Variants in TASL observed in about 807,000 individuals in gnomAD.
The protein encoded by TASL is TLR adaptor interacting with endolysosomal SLC15A4, also known as TLR adapter interacting with SLC15A4 on the lysosome.
Under a neutral mutation model 12.9 loss-of-function variants are expected in TASL, and 6 were observed. The ratio of observed to expected loss-of-function variants is 0.46; its 90% confidence interval spans 0.25 to 0.92. TASL has a LOEUF of 0.92. Among genes scored for constraint, TASL ranks in the 40% least tolerant of loss-of-function variants. The pLI is 0.17. For synonymous variants in TASL, 85 were observed against 79.3 expected (o/e 1.07, Z -0.38); for missense variants, 165 against 212.8 (o/e 0.78, Z 1.40).
At chrX:30,571,326 G>GAAAGAAAGAAAGAAAGAAAC (rs947938935) in intron 2 of TASL, among the ~76,000 whole-genome samples, 1 of 105,513 alleles carries the variant, frequency 9.5e-6, no homozygotes, top group African/African-American at 3.4e-5. Flanking sequence ...AAGAAAGAAA[G>GAAAGAAAGAAAGAAAGAAAC]AAACCCATTT....
At position 30,559,654 on chromosome X, in the gene TASL, A is replaced by G; in HGVS notation, c.702T>C (p.Ser234=). The change falls in exon 3 of 3, where the codon AGT becomes AGC. Residue 234 remains serine (S), a synonymous_variant. Coordinates refer to ENST00000378962, the MANE Select transcript of TASL (RefSeq NM_025159.3). The stretch of plus-strand genomic sequence containing the variant: ...CAGACGCCAGAATCTGGGTAGGAGA[A>G]CTGTCATGAAACACGGTGTCCATAA... The part of the protein sequence containing the change: ...QYIMDTVFHD[S]SPTQILASEL... 1.7e-6 allele frequency: 2 copies of G among 1,208,856 alleles called. No individual in the cohort carries two copies. The highest frequency in any genetic ancestry group is 2.2e-6 in the Non-Finnish European group (2 of 893,223).
In TASL at chrX:30,560,284, A is replaced by C. The variant is rs761567498; in HGVS notation, c.72T>G (p.Asn24Lys). The stretch of plus-strand genomic sequence containing the variant: ...CTTCCTTTTCCCCAGCCACCTGCTC[A>C]TTATAAGAGGCACAACTCCAGTGGA... ...NDIHWSCASYNEQVAGEKEEE... is the reference protein window; with the variant it reads ...NDIHWSCASYKEQVAGEKEEE... The change falls in exon 3 of 3, where the codon AAT becomes AAG. Residue 24 changes from asparagine to lysine, a missense_variant. Transcript: ENST00000378962. 1 of 1,207,062 alleles carries C rather than the reference A, an allele frequency of 8.3e-7. No homozygotes were observed. Among genetic ancestry groups the C allele is most frequent in the Non-Finnish European group, 1.1e-6 (1 of 893,016 alleles).
intron 2 of TASL, among the ~76,000 whole-genome samples, chrX:30,574,155 A>AT (rs994630219): frequency 6.4e-5 from 7 of 109,887 alleles, no homozygotes; most frequent in Admixed American, 1.9e-4. Flanking sequence ...GGATTTGTGC[A>AT]TTTTTTGTCT....
chrX:30,566,731 T>G (rs983918799), intron 2 of TASL, among the ~76,000 whole-genome samples: 1 of 111,925 alleles, frequency 8.9e-6, no homozygotes, highest in Non-Finnish European at 1.9e-5. Flanking sequence ...AAAGATATTT[T>G]CATTTTAATT....
At chrX:30,566,602 C>CT (rs1241572015) in intron 2 of TASL, among the ~76,000 whole-genome samples, 3 of 111,637 alleles carry the variant, frequency 2.7e-5, no homozygotes, top group African/African-American at 6.5e-5. Flanking sequence ...TTATTTGAGA[C>CT]TTTTTTTTGT....
chrX:30,571,256 G>GAAAGAAAGAAAGAAAGAAAA (rs1179232270), intron 2 of TASL, among the ~76,000 whole-genome samples: 1 of 36,803 alleles, frequency 2.7e-5, no homozygotes, highest in African/African-American at 1.4e-4. Flanking sequence ...GAGAAAGAAA[G>GAAAGAAAGAAAGAAAGAAAA]AGAAAGAAAG....
At chrX:30,574,389 C>G (rs1930677333) in intron 2 of TASL, among the ~76,000 whole-genome samples, 1 of 111,951 alleles carries the variant, frequency 8.9e-6, no homozygotes, top group Non-Finnish European at 1.9e-5. Context: ...CTGGAATAGT[C>G]TTTGGAAAGA....
intron 2 of TASL, among the ~76,000 whole-genome samples, chrX:30,571,652 C>T (rs1351648387): frequency 2.7e-5 from 3 of 109,743 alleles, no homozygotes; most frequent in Non-Finnish European, 5.7e-5. Context: ...GGGGGCATTA[C>T]TGCACCCTTT....
chrX:30,571,095 G>A (rs900303872), intron 2 of TASL, among the ~76,000 whole-genome samples: 2 of 107,163 alleles, frequency 1.9e-5, no homozygotes, highest in African/African-American at 3.4e-5. Flanking sequence ...CAGGAGAATC[G>A]CTTGAACCCG....
chrX:30,570,238 A>T (rs5972188), intron 2 of TASL, among the ~76,000 whole-genome samples: 46 of 98,066 alleles, frequency 4.7e-4, no homozygotes, highest in African/African-American at 1.1e-3. Context: ...TCTCTCTCTC[A>T]CACACACACA....
In TASL at chrX:30,563,510, T is replaced by C. The variant is rs185110126; in HGVS notation, c.-1-3154A>G. 6.3e-3 allele frequency among the ~76,000 whole-genome samples: 705 copies of C among 111,833 alleles called. 5 individuals carry two copies. The highest frequency in any genetic ancestry group is 0.021 in the African/African-American group (648 of 30,828). Reference sequence around the variant, plus strand: ...TTTTGGAATGAGAGTAAAGGGGATATACCTAAAGTAAGAAATATCGAAAAT... The same window carrying C: ...TTTTGGAATGAGAGTAAAGGGGATACACCTAAAGTAAGAAATATCGAAAAT... On this transcript the variant is annotated intron_variant, in intron 2 of 2. Coordinates refer to ENST00000378962, the MANE Select transcript of TASL (RefSeq NM_025159.3).
Position 30,559,805 on chromosome X carries a change from T to A in TASL, c.551A>T (p.Tyr184Phe). ...GCTTGTTATTCTCCAATAGGATGAG[T>A]ACCGCTGGATAGGTTTTTGGGGAAA... ...SDFPQKPIQR[Y>F]SSYWRITSIK... Residue 184 changes from tyrosine to phenylalanine, a missense_variant, in exon 3 of 3, where the codon TAC (tyrosine) becomes TTC (phenylalanine). Physicochemically the swap from Tyr to Phe is conservative, Grantham distance 22. Transcript: ENST00000378962. The A allele has an allele frequency of 8.3e-7, 1 of 1,210,039 alleles. No homozygotes were observed. Among genetic ancestry groups the A allele is most frequent in the Non-Finnish European group, 1.1e-6 (1 of 894,788 alleles).
rs1930713131 is a variant in TASL at position 30,576,835 on chromosome X, A to G, written c.-85T>C. 8.9e-6 allele frequency: 1 copy of G among 112,132 alleles called. No homozygotes were observed. The highest frequency in any genetic ancestry group is 1.9e-5 in the Non-Finnish European group (1 of 53,226). 9.2% of individuals were successfully genotyped at this position (112,132 alleles called of 1,213,427 possible). ...CTCTTCAATCCTCCAGAAGCTTCTC[A>G]AGCTCAGAAACAATCTTCTTCTCAC... On this transcript the variant is annotated 5_prime_UTR_variant, in exon 2 of 3. Coordinates refer to ENST00000378962, the MANE Select transcript of TASL (RefSeq NM_025159.3).
chrX:30,577,479 T>G (rs967226911), intron 1 of TASL, among the ~76,000 whole-genome samples, 159 bp downstream of exon 1: 6 of 112,237 alleles, frequency 5.3e-5, no homozygotes, highest in African/African-American at 1.9e-4. Context: ...AATGCTTGTT[T>G]AAACTCCCAC....
intron 2 of TASL, among the ~76,000 whole-genome samples, chrX:30,570,801 A>G (rs1447983397): frequency 8.9e-6 from 1 of 112,060 alleles, no homozygotes; most frequent in African/African-American, 3.2e-5. Flanking sequence ...ACAAAAATAC[A>G]TATATTAACA....
At chrX:30,570,482 A>G (rs1473104543) in intron 2 of TASL, among the ~76,000 whole-genome samples, 1 of 111,666 alleles carries the variant, frequency 9.0e-6, no homozygotes, top group African/African-American at 3.3e-5. Context: ...TATTATGCTC[A>G]TTTTACAGAT....
chrX:30,566,959 C>T (rs1402602828), intron 2 of TASL, among the ~76,000 whole-genome samples: 2 of 111,822 alleles, frequency 1.8e-5, no homozygotes, highest in Non-Finnish European at 3.8e-5. Context: ...CAGATCTAGA[C>T]AATTATAATC....
chrX:30,566,060 T>C (rs1174757215), intron 2 of TASL, among the ~76,000 whole-genome samples: 1 of 109,876 alleles, frequency 9.1e-6, no homozygotes, highest in Non-Finnish European at 1.9e-5. Context: ...CATGAGCCAC[T>C]GCACCCAGCC....
chrX:30,574,704 G>A (rs948991550), intron 2 of TASL, among the ~76,000 whole-genome samples: 9 of 112,142 alleles, frequency 8.0e-5, no homozygotes, highest in Non-Finnish European at 1.7e-4. Flanking sequence ...GCTTCTACCT[G>A]TCAACATGTC....
Sources: gnomAD v4.1 joint callset for allele counts (sites outside exome capture counted in the v4.1 genomes callset) on GRCh38, gnomAD v4.1.1 for gene constraint, MANE v1.5 for transcripts, NCBI Gene and HGNC (gene_info 2026-07-23, HGNC 2026-07-21) for gene names.